The following HEMK1 variants were observed in gnomAD, a reference collection of about 807,000 sequenced individuals.
The protein encoded by HEMK1 is HemK methyltransferase 1, mitochondrial release factors N(5)-glutamine, also known as MTRF1L release factor glutamine methyltransferase.
A neutral mutation model predicts 47.9 loss-of-function variants in HEMK1; 36 were observed. The observed-to-expected ratio is 0.75, with a 90% confidence interval of 0.58 to 0.99. The LOEUF (loss-of-function observed/expected upper bound fraction) is 0.99, where lower values mean the gene tolerates loss of function less well. Ranked by LOEUF, HEMK1 falls within the 50% of genes least tolerant of loss-of-function variation. The pLI is 0.00. For missense variants in HEMK1, 383 were observed against 434.5 expected (o/e 0.88, Z 1.05); for synonymous variants, 153 against 165.4 (o/e 0.93, Z 0.57).
Position 50,592,398 on chromosome 3 carries a change from A to G in HEMK1, c.*11981A>G, listed in dbSNP as rs897274665. The G allele has an allele frequency of 6.6e-6, 1 of 152,136 alleles. No homozygotes were observed. Among genetic ancestry groups the G allele is most frequent in the Non-Finnish European group, 1.5e-5 (1 of 68,038 alleles). The allele number at this position is 152,136 out of a possible 1,614,324, so 9.4% of individuals were successfully genotyped here. ...GATTTCCAATACCGGTGCTTTGCTT[A>G]GCTGTACTGGGCACCTGGAACTCAT... On this transcript the variant is annotated 3_prime_UTR_variant, in exon 11 of 11. Coordinates refer to ENST00000232854, the MANE Select transcript of HEMK1 (RefSeq NM_016173.5).
intron 2 of HEMK1, 100 bp downstream of exon 2, chr3:50,571,432 C>G (rs542747255): frequency 1.1e-6 from 1 of 906,142 alleles, no homozygotes; most frequent in Non-Finnish European, 1.7e-6. Flanking sequence ...TTAGCTGAGA[C>G]TGATGGGATT....
rs1413322949 is a variant in HEMK1, at chr3:50,587,814, A to T, written c.*7397A>T. ...GAGGCTGCTCTTTCTGGCTGCCAGG[A>T]AAAAGGGGCTGGGGCAGGAGGCTGC... On this transcript the variant is annotated 3_prime_UTR_variant, in exon 11 of 11. Coordinates refer to ENST00000232854, the MANE Select transcript of HEMK1 (RefSeq NM_016173.5). This position sits in a 1 kb window ranked among gnomAD's most constrained non-coding sequence, Gnocchi z 4.2. The T allele has an allele frequency of 6.6e-6, 1 of 152,462 alleles. No individual in the cohort carries two copies. The highest frequency in any genetic ancestry group is 1.5e-5 in the Non-Finnish European group (1 of 68,224). The allele number at this position is 152,462 out of a possible 1,614,324, so 9.4% of individuals were successfully genotyped here. A position where few individuals can be genotyped will look rare whatever the true frequency, so the allele number is the denominator to read the frequency against.
rs1388618945 is a variant in HEMK1 at position 50,593,381 on chromosome 3, G to A, written c.*12964G>A. 1.3e-5 allele frequency: 2 copies of A among 152,186 alleles called. No homozygotes were observed. The highest frequency in any genetic ancestry group is 2.9e-5 in the Non-Finnish European group (2 of 68,054). The allele number at this position is 152,186 out of a possible 1,614,324, so 9.4% of individuals were successfully genotyped here. A position where few individuals can be genotyped will look rare whatever the true frequency, so the allele number is the denominator to read the frequency against. The stretch of plus-strand genomic sequence containing the variant: ...ACTCAGGGGCCCCGGAGAAGATTTG[G>A]TGGGCTAAGGGTGGGCAGGAGAATA... On this transcript the variant is annotated 3_prime_UTR_variant, in exon 11 of 11. Coordinates refer to ENST00000232854, the MANE Select transcript of HEMK1 (RefSeq NM_016173.5).
Position 50,577,524 on chromosome 3 carries a change from G to T in HEMK1, c.565G>T (p.Val189Leu). The change falls in exon 6 of 11, where the codon GTG (valine) becomes TTG (leucine). Residue 189 changes from valine to leucine, a missense_variant. Physicochemically the swap from Val to Leu is conservative, Grantham distance 32. Coordinates refer to ENST00000232854, the MANE Select transcript of HEMK1 (RefSeq NM_016173.5). ...SQLPQSRVIA[V>L]DKREAAISLT... ...CTTGGGACAGAGCCGAGTCATTGCT[G>T]TGGATAAGCGGGAAGCTGCTATCTC... 6.2e-7 allele frequency: 1 copy of T among 1,614,124 alleles called. No individual in the cohort carries two copies. The highest frequency in any genetic ancestry group is 1.3e-5 in the African/African-American group (1 of 75,032).
chr3:50,579,880 G>C lies in HEMK1; in HGVS notation c.807G>C (p.Glu269Asp). ...EDPAALDGGE[E>D]GMDIITHILA... is the part of the protein sequence containing the mutation. The stretch of plus-strand genomic sequence containing the variant: ...CCGCGGCCCTGGATGGTGGGGAGGA[G>C]GGCATGGACATCATTACCCACATTC... The change falls in exon 9 of 11, where the codon GAG becomes GAC. Residue 269 changes from glutamate to aspartate, a missense_variant. Physicochemically the swap from Glu to Asp is conservative, Grantham distance 45. Coordinates refer to ENST00000232854, the MANE Select transcript of HEMK1 (RefSeq NM_016173.5). The C allele has an allele frequency of 6.2e-7, 1 of 1,614,024 alleles. No individual in the cohort carries two copies.
intron 1 of HEMK1, chr3:50,569,958 A>C (rs1424850971): frequency 6.6e-6 from 1 of 152,178 alleles, no homozygotes; most frequent in African/African-American, 2.4e-5. Flanking sequence ...CTCCTGCCTC[A>C]GCCTCCCAAG....
In HEMK1 at chr3:50,571,720, T is replaced by C. The variant is rs572353388; in HGVS notation, c.239T>C (p.Leu80Pro). The change falls in exon 3 of 11, where the codon CTG becomes CCG. Residue 80 changes from leucine (L) to proline (P), a missense_variant. Leu to Pro is a moderately conservative substitution (Grantham distance 98, BLOSUM62 -3). Coordinates refer to ENST00000232854, the MANE Select transcript of HEMK1 (RefSeq NM_016173.5). The stretch of plus-strand genomic sequence containing the variant: ...TCTCTGTGGGGACAGTTTCAGAGCC[T>C]GAGGCCGGCACTTTGGACCCAGCCC... ...HVLGAKTFQS[L>P]RPALWTQPLT... is the part of the protein sequence containing the mutation. 6.2e-7 allele frequency: 1 copy of C among 1,614,144 alleles called. No individual in the cohort carries two copies. The highest frequency in any genetic ancestry group is 1.3e-5 in the African/African-American group (1 of 75,046).
rs377520020 is a variant in HEMK1, at chr3:50,578,883, G to A, written c.727G>A (p.Val243Ile). ...CCTGATTGTCAGCAACCCTCCCTAC[G>A]TCTTCCACCAGGACATGGAGCAGCT... is the stretch of plus-strand genomic sequence containing the variant. Reference protein sequence around the residue: ...MDLIVSNPPYVFHQDMEQLAP... With the variant: ...MDLIVSNPPYIFHQDMEQLAP... The change falls in exon 8 of 11, where the codon GTC becomes ATC. Residue 243 changes from valine (V) to isoleucine (I), a missense_variant. Val to Ile is a conservative substitution (Grantham distance 29). Coordinates refer to ENST00000232854, the MANE Select transcript of HEMK1 (RefSeq NM_016173.5). 1.9e-5 allele frequency: 31 copies of A among 1,613,202 alleles called. No homozygotes were observed. The highest frequency in any genetic ancestry group is 8.3e-5 in the Admixed American group (5 of 59,908).
At position 50,580,642 on chromosome 3, in the gene HEMK1, G is replaced by A; in HGVS notation, c.*225G>A. 1 of 593,358 alleles carries A rather than the reference G, an allele frequency of 1.7e-6. No individual in the cohort carries two copies. The highest frequency in any genetic ancestry group is 2.0e-5 in the South Asian group (1 of 49,274). The allele number at this position is 593,358 out of a possible 1,614,324, so 36.8% of individuals were successfully genotyped here. A position where few individuals can be genotyped will look rare whatever the true frequency, so the allele number is the denominator to read the frequency against. ...GTGAAATTGCTGTGGGGGTATCGGG[G>A]GATATGGCCAGTAAAGTATTGAGAG... On this transcript the variant is annotated 3_prime_UTR_variant, in exon 11 of 11. Coordinates refer to ENST00000232854, the MANE Select transcript of HEMK1 (RefSeq NM_016173.5).
chr3:50,578,755 TG>T, intron 7 of HEMK1, 65 bp from the exon 8 acceptor site: 1 of 1,038,756 alleles, frequency 9.6e-7, no homozygotes, highest in Non-Finnish European at 1.5e-6. Context: ...TGGTGGCAGG[TG>T]GAGCTATCAT....
intron 5 of HEMK1, 41 bp from the exon 6 acceptor site, chr3:50,577,468 A>C (rs1207691232): frequency 1.3e-6 from 2 of 1,593,888 alleles, no homozygotes; most frequent in South Asian, 2.2e-5. Context: ...AGCATCTCTC[A>C]GCATTGCCTT....
rs1700926841 is a variant in HEMK1, at chr3:50,571,314, T to G, written c.210T>G (p.His70Gln). The G allele has an allele frequency of 6.3e-7, 1 of 1,599,118 alleles. No individual in the cohort carries two copies. Among genetic ancestry groups the G allele is most frequent in the Non-Finnish European group, 8.5e-7 (1 of 1,172,310 alleles). The part of the protein sequence containing the change: ...ARESSEYIVA[H>Q]VLGAKTFQSL... ...AATCCAGTGAGTACATCGTGGCTCA[T>G]GTCCTTGGAGCCAAAACAGTTAAGT... Residue 70 changes from histidine (H) to glutamine (Q), a missense_variant, in exon 2 of 11, where the codon CAT becomes CAG. By Grantham distance (24) the His-to-Gln change is conservative. Coordinates refer to ENST00000232854, the MANE Select transcript of HEMK1 (RefSeq NM_016173.5).
At position 50,581,436 on chromosome 3, in the gene HEMK1, G is replaced by A. The variant is rs2030799146; in HGVS notation, c.*1019G>A. 1 of 152,280 alleles carries A rather than the reference G, an allele frequency of 6.6e-6. No individual in the cohort carries two copies. Among genetic ancestry groups the A allele is most frequent in the African/African-American group, 2.4e-5 (1 of 41,448 alleles). 9.4% of individuals were successfully genotyped at this position (152,280 alleles called of 1,614,324 possible). ...GCCACCCTGGCACTTCCCAGGGCCTGGCAGTATGGTCTGATGGGCAGTATG... is the reference window on the plus strand; with the variant it reads ...GCCACCCTGGCACTTCCCAGGGCCTAGCAGTATGGTCTGATGGGCAGTATG... On this transcript the variant is annotated 3_prime_UTR_variant, in exon 11 of 11. Transcript: ENST00000232854.
rs1394131883 is a variant in HEMK1, at chr3:50,582,372, G to A, written c.*1955G>A. The A allele has an allele frequency of 6.6e-6, 1 of 152,170 alleles. No individual in the cohort carries two copies. The highest frequency in any genetic ancestry group is 1.5e-5 in the Non-Finnish European group (1 of 68,028). The allele number at this position is 152,170 out of a possible 1,614,324, so 9.4% of individuals were successfully genotyped here. The stretch of plus-strand genomic sequence containing the variant: ...TCCAAGCCAAGAGGACTGGCAGGCG[G>A]GGCCTCAAGCCTGCAGCCACTGGCT... On this transcript the variant is annotated 3_prime_UTR_variant, in exon 11 of 11. Coordinates refer to ENST00000232854, the MANE Select transcript of HEMK1 (RefSeq NM_016173.5).
chr3:50,577,946 C>T (rs892277317), intron 7 of HEMK1, 71 bp downstream of exon 7: 14 of 1,394,966 alleles, frequency 1.0e-5, no homozygotes, highest in African/African-American at 1.4e-5. Flanking sequence ...TGAGGCACTC[C>T]GTGGAGATGG....
chr3:50,572,069 G>A (rs770270049), intron 3 of HEMK1, 46 bp from the exon 4 acceptor site: 2 of 1,611,226 alleles, frequency 1.2e-6, no homozygotes, highest in Non-Finnish European at 8.5e-7. Context: ...TGGTCCTGTT[G>A]GTCCTAGCTC....
chr3:50,574,263 ACCAGCGTTAG>A lies in HEMK1; in HGVS notation c.414+2056_414+2065del, dbSNP rs1701331504. ...GGCTTTTAGTCTTGCCGAAAGAGCC[ACCAGCGTTAG>A]GCTGAGGGAGGCTCTTCACTAGGAG... On this transcript the variant is annotated intron_variant, in intron 4 of 10. Coordinates refer to ENST00000232854, the MANE Select transcript of HEMK1 (RefSeq NM_016173.5). Among the ~76,000 whole-genome samples, 3 of 152,216 alleles carry A rather than the reference ACCAGCGTTAG, an allele frequency of 2.0e-5. No homozygotes were observed. The South Asian group carries it at 6.2e-4, about 32-fold the overall frequency.
chr3:50,584,969 C>A lies in HEMK1; in HGVS notation c.*4552C>A, dbSNP rs556204433. On this transcript the variant is annotated 3_prime_UTR_variant, in exon 11 of 11. Coordinates refer to ENST00000232854, the MANE Select transcript of HEMK1 (RefSeq NM_016173.5). ...GATAGGTGATGTGGCCAGGGGAACT[C>A]TTCCTCAACCTTCAGACCTAAACTG... The A allele has an allele frequency of 6.6e-6, 1 of 152,342 alleles. No individual in the cohort carries two copies. The highest frequency in any genetic ancestry group is 1.5e-5 in the Non-Finnish European group (1 of 68,054). 9.4% of individuals were successfully genotyped at this position (152,342 alleles called of 1,614,324 possible).
chr3:50,584,036 G>A lies in HEMK1; in HGVS notation c.*3619G>A, dbSNP rs888831134. On this transcript the variant is annotated 3_prime_UTR_variant, in exon 11 of 11. Coordinates refer to ENST00000232854, the MANE Select transcript of HEMK1 (RefSeq NM_016173.5). ...CAGCCCATGTATTCCGGTCATTAGGGATGGGAAGCCATGAGGACCTGGCCT... is the reference window on the plus strand; with the variant it reads ...CAGCCCATGTATTCCGGTCATTAGGAATGGGAAGCCATGAGGACCTGGCCT... The A allele has an allele frequency of 1.3e-5, 2 of 152,248 alleles. No individual in the cohort carries two copies. The highest frequency in any genetic ancestry group is 2.9e-5 in the Non-Finnish European group (2 of 68,052). 9.4% of individuals were successfully genotyped at this position (152,248 alleles called of 1,614,324 possible). A position where few individuals can be genotyped will look rare whatever the true frequency, so the allele number is the denominator to read the frequency against.
Sources: allele counts gnomAD v4.1 joint callset (sites outside exome capture counted in the v4.1 genomes callset), GRCh38; gene constraint gnomAD v4.1.1; non-coding constraint Gnocchi (gnomAD v3.1); transcripts MANE v1.5; gene names NCBI Gene and HGNC (gene_info 2026-07-23, HGNC 2026-07-21).